Variants in LPAR4 observed in about 807,000 individuals in gnomAD.
LPAR4 encodes the protein G-protein coupled receptor 23.
Under a neutral mutation model 9.2 loss-of-function variants are expected in LPAR4, and 14 were observed. The ratio of observed to expected loss-of-function variants is 1.51; its 90% CI spans 1.00 to 2.37. The LOEUF (loss-of-function observed/expected upper bound fraction) is 2.37. LPAR4 is among the 30% of genes most tolerant of loss of function. LPAR4 has a pLI of 0.00. For missense variants in LPAR4, 251 were observed against 272.1 expected, an observed-to-expected ratio of 0.92 and a Z score of 0.55; for synonymous variants, 131 against 97.9, an observed-to-expected ratio of 1.34 and a Z score of -1.99.
intron 2 of LPAR4, 146 bp downstream of exon 2, chrX:78,750,369 A>G (rs1198346410): frequency 8.9e-6 from 1 of 111,861 alleles, no homozygotes; most frequent in Non-Finnish European, 1.9e-5. Context: ...GATGAGATGT[A>G]ACAATAGTGT....
Position 78,756,771 on chromosome X carries a change from G to A in LPAR4, c.*789G>A, listed in dbSNP as rs1925313420. ...ACACCAACATATTTTTTCTTAAAATGTCACGTTATCTTCATTTTGGGAAAC... is the reference window on the plus strand; with the variant it reads ...ACACCAACATATTTTTTCTTAAAATATCACGTTATCTTCATTTTGGGAAAC... On this transcript the variant is annotated 3_prime_UTR_variant, in exon 5 of 5. Transcript: ENST00000614823. 1 of 121,773 alleles carries A rather than the reference G, an allele frequency of 8.2e-6. No individual in the cohort carries two copies. Among genetic ancestry groups the A allele is most frequent in the Non-Finnish European group, 1.9e-5 (1 of 52,772 alleles). The allele number at this position is 121,773 out of a possible 1,213,427, so 10.0% of individuals were successfully genotyped here.
intron 2 of LPAR4, among the ~76,000 whole-genome samples, 182 bp downstream of exon 2, chrX:78,750,405 A>G (rs1229470747): frequency 2.7e-5 from 3 of 111,974 alleles, no homozygotes; most frequent in Non-Finnish European, 5.6e-5. Flanking sequence ...GGATGATTCT[A>G]CTTTACAGAT....
At position 78,755,671 on chromosome X, in the gene LPAR4, G is replaced by T; in HGVS notation, c.802G>T (p.Val268Phe). The T allele has an allele frequency of 8.3e-7, 1 of 1,209,363 alleles. No individual in the cohort carries two copies. Reference protein sequence around the residue: ...FVVCFVPYNSVLFLYALVRSQ... With the variant: ...FVVCFVPYNSFLFLYALVRSQ... ...GGTATGCTTTGTACCCTACAACTCT[G>T]TCCTCTTCTTGTATGCCCTGGTGCG... Residue 268 changes from valine to phenylalanine, a missense_variant, in exon 5 of 5, where the codon GTC becomes TTC. Transcript: ENST00000614823.
intron 1 of LPAR4, chrX:78,748,887 C>T (rs938400411): frequency 1.8e-5 from 2 of 111,619 alleles, no homozygotes; most frequent in African/African-American, 6.5e-5. Flanking sequence ...CTTTGCAACA[C>T]GTTTATTTTT....
At position 78,751,308 on chromosome X, in the gene LPAR4, T is replaced by C. The variant is rs1365163982; in HGVS notation, c.-83T>C. 1 of 111,197 alleles carries C rather than the reference T, an allele frequency of 9.0e-6. No individual in the cohort carries two copies. Among genetic ancestry groups the C allele is most frequent in the Non-Finnish European group, 1.9e-5 (1 of 52,888 alleles). The allele number at this position is 111,197 out of a possible 1,213,427, so 9.2% of individuals were successfully genotyped here. A position where few individuals can be genotyped will look rare whatever the true frequency, so the allele number is the denominator to read the frequency against. On this transcript the variant is annotated 5_prime_UTR_variant, in exon 4 of 5. It removes an upstream start codon present in the reference 5' UTR. Transcript: ENST00000614823. ...GGTGCCAGGATTTGGTTCGAACTAA[T>C]GTGGTGAGTCCTACCCTCCTGAAAA...
At position 78,747,876 on chromosome X, in the gene LPAR4, C is replaced by T. The variant is rs1434330369; in HGVS notation, c.-453C>T. ...GCAGCCCAGAGTCTGCTACTTTAGG[C>T]TGGGCTAACCTTTCCCTGTAAAAAA... On this transcript the variant is annotated 5_prime_UTR_variant, in exon 1 of 5. Transcript: ENST00000614823. 4 of 81,180 alleles carry T rather than the reference C, an allele frequency of 4.9e-5. No homozygotes were observed. The highest frequency in any genetic ancestry group is 2.1e-4 in the African/African-American group (4 of 19,352). 6.7% of individuals were successfully genotyped at this position (81,180 alleles called of 1,213,427 possible).
At chrX:78,748,649 C>T (rs1467112480) in intron 1 of LPAR4, among the ~76,000 whole-genome samples, 1 of 111,684 alleles carries the variant, frequency 9.0e-6, no homozygotes, top group Non-Finnish European at 1.9e-5. Flanking sequence ...GTAAAAAGGT[C>T]TTATTGAGTT....
At chrX:78,748,234 G>T (rs143801972) in intron 1 of LPAR4, among the ~76,000 whole-genome samples, 200 bp downstream of exon 1, 1,215 of 111,989 alleles carry the variant, frequency 0.011, 14 homozygotes, top group African/African-American at 0.038. Flanking sequence ...TTGTTTCCGT[G>T]GAAGACATAC....
chrX:78,751,363 T>C (rs1925055269), intron 4 of LPAR4, 52 bp downstream of exon 4: 1 of 111,202 alleles, frequency 9.0e-6, no homozygotes, highest in South Asian at 3.7e-4. Flanking sequence ...AACCTGAAAA[T>C]GTGTAGAGAA....
chrX:78,756,025 A>T lies in LPAR4; in HGVS notation c.*43A>T, dbSNP rs760629113. The T allele has an allele frequency of 2.9e-6, 3 of 1,050,779 alleles. No individual in the cohort carries two copies. Among genetic ancestry groups the T allele is most frequent in the Non-Finnish European group, 3.9e-6 (3 of 772,248 alleles). The allele number at this position is 1,050,779 out of a possible 1,213,427, so 86.6% of individuals were successfully genotyped here. On this transcript the variant is annotated 3_prime_UTR_variant, in exon 5 of 5. Coordinates refer to ENST00000614823, the MANE Select transcript of LPAR4 (RefSeq NM_001278000.3). ...AGGTCCAGATATGGTTTCTCCTATA[A>T]TTTTTCCTATGCTATAAACTAAAGA...
chrX:78,755,536 T>G lies in LPAR4; in HGVS notation c.667T>G (p.Cys223Gly), dbSNP rs753675021. 20 of 1,207,046 alleles carry G rather than the reference T, an allele frequency of 1.7e-5. No homozygotes were observed. The highest frequency in any genetic ancestry group is 2.0e-5 in the Non-Finnish European group (18 of 891,558). The change falls in exon 5 of 5, where the codon TGC (cysteine) becomes GGC (glycine). Residue 223 changes from cysteine to glycine, a missense_variant. Transcript: ENST00000614823. Reference protein sequence around the residue: ...FIIPLILNVSCSSVVLRTLRK... With the variant: ...FIIPLILNVSGSSVVLRTLRK... ...CATTCCTCTAATATTGAATGTCTCT[T>G]GCTCTTCTGTGGTGCTGAGAACTCT...
At chrX:78,748,450 A>G (rs1435273385) in intron 1 of LPAR4, among the ~76,000 whole-genome samples, 1 of 112,113 alleles carries the variant, frequency 8.9e-6, no homozygotes, top group Non-Finnish European at 1.9e-5. Context: ...TAATTGATTT[A>G]TGGAGAATGT....
Position 78,756,113 on chromosome X carries a change from A to G in LPAR4, c.*131A>G. On this transcript the variant is annotated 3_prime_UTR_variant, in exon 5 of 5. Transcript: ENST00000614823. ...CAGTCAGATACATTTGTTTGAAGGT[A>G]TACTGTAGAGTTTTTATTGCTGTTT... The G allele has an allele frequency of 1.8e-6, 1 of 546,748 alleles. No homozygotes were observed. Among genetic ancestry groups the G allele is most frequent in the Non-Finnish European group, 3.0e-6 (1 of 338,536 alleles). 45.1% of individuals were successfully genotyped at this position (546,748 alleles called of 1,213,427 possible). A position where few individuals can be genotyped will look rare whatever the true frequency, so the allele number is the denominator to read the frequency against.
At chrX:78,754,082 G>C (rs1925184080) in intron 4 of LPAR4, among the ~76,000 whole-genome samples, 1 of 111,826 alleles carries the variant, frequency 8.9e-6, no homozygotes, top group South Asian at 3.7e-4. Context: ...GAAGTGAGGG[G>C]ATGGATGTGT....
rs1394096483 is a variant in LPAR4 at position 78,757,739 on chromosome X, A to G, written c.*1757A>G. Among the ~76,000 whole-genome samples, 1 of 111,685 alleles carries G rather than the reference A, an allele frequency of 9.0e-6. No homozygotes were observed. The highest frequency in any genetic ancestry group is 9.5e-5 in the Admixed American group (1 of 10,472). ...ACCAAAATTAAATGTTAAACCCTGA[A>G]AAACAACAAAAATATTTTAAAATGT... On this transcript the variant is annotated 3_prime_UTR_variant, in exon 5 of 5. Transcript: ENST00000614823.
chrX:78,755,772 T>C lies in LPAR4; in HGVS notation c.903T>C (p.Thr301=), dbSNP rs1260862307. 1.7e-6 allele frequency: 2 copies of C among 1,209,782 alleles called. No homozygotes were observed. The highest frequency in any genetic ancestry group is 2.2e-6 in the Non-Finnish European group (2 of 893,976). The stretch of plus-strand genomic sequence containing the variant: ...ACCCAATCACCTTGTGCCTTGCAAC[T>C]CTGAACTGTTGTTTTGACCCTTTCA... ...IMYPITLCLA[T]LNCCFDPFIY... Residue 301 remains threonine, a synonymous_variant, in exon 5 of 5, where the codon ACT becomes ACC. Coordinates refer to ENST00000614823, the MANE Select transcript of LPAR4 (RefSeq NM_001278000.3).
intron 4 of LPAR4, among the ~76,000 whole-genome samples, 164 bp from the exon 5 acceptor site, chrX:78,754,627 C>A (rs999777600): frequency 5.4e-5 from 6 of 111,686 alleles, no homozygotes; most frequent in Non-Finnish European, 9.4e-5. Context: ...CTGCAACATA[C>A]TCTTGTAGTA....
rs1925349599 is a variant in LPAR4, at chrX:78,757,332, A to G, written c.*1350A>G. On this transcript the variant is annotated 3_prime_UTR_variant, in exon 5 of 5. Coordinates refer to ENST00000614823, the MANE Select transcript of LPAR4 (RefSeq NM_001278000.3). ...AAAAAAGGTCAAAAATCAAACTGCG[A>G]TAAAACAAACAAAACAAGCACAAAC... Among the ~76,000 whole-genome samples the G allele has an allele frequency of 9.0e-6, 1 of 111,442 alleles. No individual in the cohort carries two copies.
In LPAR4 at chrX:78,758,260, A is replaced by G. The variant is rs765174007; in HGVS notation, c.*2278A>G. Among the ~76,000 whole-genome samples, 1 of 111,947 alleles carries G rather than the reference A, an allele frequency of 8.9e-6. No individual in the cohort carries two copies. The highest frequency in any genetic ancestry group is 1.9e-5 in the Non-Finnish European group (1 of 53,022). ...AGGTTAAGATAAGTTCAGTTGTTAGATTATATGGTAAGATCAAATCAGTAA... is the reference window on the plus strand; with the variant it reads ...AGGTTAAGATAAGTTCAGTTGTTAGGTTATATGGTAAGATCAAATCAGTAA... On this transcript the variant is annotated 3_prime_UTR_variant, in exon 5 of 5. Transcript: ENST00000614823.
Sources: allele counts gnomAD v4.1 joint callset (sites outside exome capture counted in the v4.1 genomes callset), GRCh38; gene constraint gnomAD v4.1.1; transcripts MANE v1.5; gene names NCBI Gene and HGNC (gene_info 2026-07-23, HGNC 2026-07-21).